The following DPP6 variants were observed in gnomAD, a reference collection of about 807,000 sequenced individuals.
DPP6 encodes A-type potassium channel modulatory protein DPP6.
Under a neutral mutation model 122.6 loss-of-function variants are expected in DPP6, and 69 were observed. The observed-to-expected ratio is 0.56, with a 90% CI of 0.46 to 0.69. The LOEUF (loss-of-function observed/expected upper bound fraction) is 0.69. DPP6 is among the 30% of genes least tolerant of loss of function. The pLI, the probability that DPP6 is intolerant of heterozygous loss-of-function variation, is 0.00. For synonymous variants in DPP6, 418 were observed against 433.1 expected (o/e 0.97, Z 0.43); for missense variants, 928 against 1,116.9 (o/e 0.83, Z 2.41).
intron 1 of DPP6, among the ~76,000 whole-genome samples, chr7:154,355,857 C>G (rs532733182): frequency 6.6e-6 from 1 of 152,222 alleles, no homozygotes; most frequent in African/African-American, 2.4e-5. Context: ...ATCGGCTTGT[C>G]AAATTACACA....
At chr7:154,026,925 T>A (rs1798981875) in intron 1 of DPP6, 1 of 150,336 alleles carries the variant, frequency 6.7e-6, no homozygotes, top group South Asian at 2.1e-4. Flanking sequence ...ATGAGATACC[T>A]CTTCAGAGTC....
At chr7:153,886,772 AG>A (rs1798933729), upstream of DPP6, among the ~76,000 whole-genome samples, 1 of 152,056 alleles carries the variant, frequency 6.6e-6, no homozygotes, top group African/African-American at 2.4e-5. Context: ...TGCCATCCCT[AG>A]CCTTCCCCCG....
chr7:154,524,076 G>A (rs1827215056), intron 3 of DPP6, among the ~76,000 whole-genome samples: 1 of 152,196 alleles, frequency 6.6e-6, no homozygotes, highest in African/African-American at 2.4e-5. Context: ...TCATAAACAG[G>A]CTATTTGGTG....
At chr7:154,724,754 G>A (rs1408238059) in intron 7 of DPP6, among the ~76,000 whole-genome samples, 1 of 151,976 alleles carries the variant, frequency 6.6e-6, no homozygotes, top group Non-Finnish European at 1.5e-5. Flanking sequence ...GAGTAGGGGT[G>A]CCAGGGGCTG....
At position 154,669,214 on chromosome 7, in the gene DPP6, C is replaced by T. The variant is rs577804538; in HGVS notation, c.681-146C>T. 565 of 1,222,876 alleles carry T rather than the reference C, an allele frequency of 4.6e-4. 2 individuals carry two copies. In the African/African-American group the frequency reaches 6.9e-3, roughly 15 times the overall value. The allele number at this position is 1,222,876 out of a possible 1,614,324, so 75.8% of individuals were successfully genotyped here. The stretch of plus-strand genomic sequence containing the variant: ...AATAGAGACTAAATGAGACATATTA[C>T]TTAGTAACACAAGAGACAAGCTCTT... On this transcript the variant is annotated intron_variant, in intron 6 of 25. Transcript: ENST00000377770.
At chr7:154,348,033 C>G (rs911654713) in intron 1 of DPP6, among the ~76,000 whole-genome samples, 4 of 152,174 alleles carry the variant, frequency 2.6e-5, no homozygotes, top group Non-Finnish European at 4.4e-5. Flanking sequence ...GTTTGAGGAA[C>G]TATGCTGTAA....
chr7:154,238,950 CA>C (rs1337456932), intron 1 of DPP6, among the ~76,000 whole-genome samples: 1 of 152,172 alleles, frequency 6.6e-6, no homozygotes, highest in Non-Finnish European at 1.5e-5. Flanking sequence ...TTGAGCAACA[CA>C]AAATTATTAC....
chr7:154,226,349 A>G (rs1307550413), intron 1 of DPP6, among the ~76,000 whole-genome samples: 1 of 152,196 alleles, frequency 6.6e-6, no homozygotes, highest in Non-Finnish European at 1.5e-5. Context: ...ATGTCAAATG[A>G]TAGTTTCAGA....
At chr7:154,827,203 C>A (rs1186176991) in intron 16 of DPP6, among the ~76,000 whole-genome samples, 1 of 150,736 alleles carries the variant, frequency 6.6e-6, no homozygotes, top group African/African-American at 2.5e-5. Flanking sequence ...CTCCCAGACA[C>A]ACACACACAC....
intron 1 of DPP6, among the ~76,000 whole-genome samples, chr7:153,890,855 CTT>C (rs11367327): frequency 2.1e-3 from 258 of 125,112 alleles, no homozygotes; most frequent in Non-Finnish European, 2.0e-3. Flanking sequence ...CCATGCCTGG[CTT>C]TTTTTTTTTT....
chr7:154,132,718 A>G (rs983027817), intron 1 of DPP6, among the ~76,000 whole-genome samples: 1 of 151,948 alleles, frequency 6.6e-6, no homozygotes, highest in African/African-American at 2.4e-5. Flanking sequence ...TTCCTTATTC[A>G]TCAAAAAATC....
chr7:154,885,495 C>G lies in DPP6; in HGVS notation c.2134-138C>G, dbSNP rs573792160. 4.7e-6 allele frequency: 6 copies of G among 1,264,252 alleles called. No individual in the cohort carries two copies. In the South Asian group the frequency reaches 8.0e-5, roughly 17 times the overall value. The allele number at this position is 1,264,252 out of a possible 1,614,324, so 78.3% of individuals were successfully genotyped here. The stretch of plus-strand genomic sequence containing the variant: ...TCTCTTGTTACTGCCCCGTGAACAA[C>G]TTTCCAAGTGACACATTTTGTAAAA... On this transcript the variant is annotated intron_variant, in intron 21 of 25. Transcript: ENST00000377770.
chr7:154,000,354 C>T (rs1797635442), intron 1 of DPP6, among the ~76,000 whole-genome samples: 1 of 152,204 alleles, frequency 6.6e-6, no homozygotes, highest in Non-Finnish European at 1.5e-5. Flanking sequence ...GGGCCAGCTG[C>T]ACTGAGGATG....
intron 1 of DPP6, among the ~76,000 whole-genome samples, chr7:153,916,784 CAG>C (rs1800346722): frequency 1.3e-5 from 2 of 152,144 alleles, no homozygotes; most frequent in African/African-American, 4.8e-5. Flanking sequence ...AACCTATAAA[CAG>C]GAATTAATGT....
chr7:153,890,117 C>T (rs969420036), intron 1 of DPP6, among the ~76,000 whole-genome samples: 1 of 152,200 alleles, frequency 6.6e-6, no homozygotes, highest in African/African-American at 2.4e-5. Context: ...GAATGATTTA[C>T]TCCTATTACT....
intron 10 of DPP6, among the ~76,000 whole-genome samples, chr7:154,791,266 A>C (rs914693145): frequency 2.0e-5 from 3 of 151,042 alleles, no homozygotes; most frequent in Non-Finnish European, 4.4e-5. Flanking sequence ...AAAAATAAAA[A>C]TAAAAATAAA....
chr7:154,852,904 G>A (rs1320606977), intron 16 of DPP6, among the ~76,000 whole-genome samples: 1 of 152,146 alleles, frequency 6.6e-6, no homozygotes, highest in Non-Finnish European at 1.5e-5. Flanking sequence ...GGAAACACAG[G>A]CCATGGCAGT....
chr7:154,021,146 C>T (rs568987570), intron 1 of DPP6, among the ~76,000 whole-genome samples: 103 of 152,264 alleles, frequency 6.8e-4, no homozygotes, highest in African/African-American at 2.4e-3. Context: ...GCGGTGCCAA[C>T]GCTTACATTG....
At chr7:154,513,461 G>A (rs188493700) in intron 3 of DPP6, among the ~76,000 whole-genome samples, 24 of 152,314 alleles carry the variant, frequency 1.6e-4, no homozygotes, top group Admixed American at 1.4e-3. Flanking sequence ...TGGGACAAAT[G>A]TTGAGACTAA....
Sources: gnomAD v4.1 joint callset for allele counts (sites outside exome capture counted in the v4.1 genomes callset) on GRCh38, gnomAD v4.1.1 for gene constraint, MANE v1.5 for transcripts, NCBI Gene and HGNC (gene_info 2026-07-23, HGNC 2026-07-21) for gene names.